Variants in KCNIP4 observed in about 807,000 individuals in gnomAD.
KCNIP4 encodes the protein potassium voltage-gated channel interacting protein 4, also known as Kv channel-interacting protein 4.
A neutral mutation model predicts 34.0 loss-of-function variants in KCNIP4; 12 were observed. That is an observed-to-expected ratio of 0.35 (90% CI 0.23 to 0.57). The LOEUF is 0.57. Ranked by LOEUF, KCNIP4 falls within the 20% of genes least tolerant of loss-of-function variation. KCNIP4 has a pLI of 0.83. For missense variants in KCNIP4, 238 were observed against 311.7 expected (o/e 0.76, Z 1.78); for synonymous variants, 124 against 102.2 (o/e 1.21, Z -1.29).
intron 1 of KCNIP4, among the ~76,000 whole-genome samples, chr4:21,124,102 T>G (rs933110852): frequency 6.6e-6 from 1 of 151,842 alleles, no homozygotes; most frequent in Admixed American, 6.6e-5. Context: ...AAGGACACTG[T>G]TTTACATTTT....
At position 21,446,308 on chromosome 4, in the gene KCNIP4, T is replaced by G. The variant is rs574173025; in HGVS notation, c.61+502263A>C. Among the ~76,000 whole-genome samples, 15 of 152,206 alleles carry G rather than the reference T, an allele frequency of 9.9e-5. No individual in the cohort carries two copies. In the East Asian group the frequency reaches 2.5e-3, roughly 26 times the overall value. On this transcript the variant is annotated intron_variant, in intron 1 of 8. Transcript: ENST00000382152. ...CAAAGGATTATAAATCATGCTGCTA[T>G]AAAGACTCTTGCACACATATGTTTA...
At chr4:21,861,064 T>C (rs980455747) in intron 1 of KCNIP4, among the ~76,000 whole-genome samples, 2 of 152,202 alleles carry the variant, frequency 1.3e-5, no homozygotes, top group Admixed American at 1.3e-4. Context: ...TACATAGATA[T>C]TAAAGATTGA....
At chr4:21,750,824 A>G (rs1377508543) in intron 1 of KCNIP4, among the ~76,000 whole-genome samples, 1 of 152,134 alleles carries the variant, frequency 6.6e-6, no homozygotes, top group Non-Finnish European at 1.5e-5. Flanking sequence ...TAATGTGAGC[A>G]TTCCATTTCT....
chr4:21,272,456 A>C (rs539116981), intron 1 of KCNIP4, among the ~76,000 whole-genome samples: 1 of 152,302 alleles, frequency 6.6e-6, no homozygotes, highest in South Asian at 2.1e-4. Context: ...AAACTATTAG[A>C]TAGAGTTATT....
chr4:20,841,226 C>A (rs1481936984), intron 3 of KCNIP4, among the ~76,000 whole-genome samples: 2 of 152,132 alleles, frequency 1.3e-5, no homozygotes, highest in African/African-American at 4.8e-5. Context: ...TTGGGCTGGC[C>A]TCCAATCTTT....
At chr4:21,883,338 C>T (rs769768966) in intron 1 of KCNIP4, among the ~76,000 whole-genome samples, 33 of 151,884 alleles carry the variant, frequency 2.2e-4, no homozygotes, top group African/African-American at 6.8e-4. Flanking sequence ...TTTTTAGAAA[C>T]GAGCGCTTAC....
At chr4:21,246,190 G>A (rs1760190920) in intron 1 of KCNIP4, among the ~76,000 whole-genome samples, 1 of 150,572 alleles carries the variant, frequency 6.6e-6, no homozygotes, top group African/African-American at 2.4e-5. Context: ...GGCCAACAGA[G>A]CACCAGCCCA....
intron 1 of KCNIP4, among the ~76,000 whole-genome samples, chr4:21,585,617 G>A (rs761973225): frequency 6.0e-4 from 92 of 152,076 alleles, no homozygotes; most frequent in Admixed American, 1.3e-3. Context: ...TGAAAAATAT[G>A]CCTGAAAACT....
chr4:20,747,539 CT>C (rs1304513825), intron 5 of KCNIP4, among the ~76,000 whole-genome samples: 4 of 152,298 alleles, frequency 2.6e-5, no homozygotes, highest in African/African-American at 9.6e-5. Flanking sequence ...CCAGGATAGT[CT>C]TCCCCCAACC....
chr4:21,260,068 T>C (rs374770627), intron 1 of KCNIP4, among the ~76,000 whole-genome samples: 5 of 152,168 alleles, frequency 3.3e-5, no homozygotes, highest in Admixed American at 3.3e-4. Flanking sequence ...CAGGTGATCA[T>C]CTGTAATTTA....
chr4:20,989,223 G>A (rs1009929977), intron 1 of KCNIP4, among the ~76,000 whole-genome samples: 2 of 152,078 alleles, frequency 1.3e-5, no homozygotes, highest in African/African-American at 4.8e-5. Flanking sequence ...AATTTACAGG[G>A]TCCAACTACT....
chr4:20,832,763 G>A (rs532533161), intron 3 of KCNIP4, among the ~76,000 whole-genome samples: 19 of 150,838 alleles, frequency 1.3e-4, no homozygotes, highest in African/African-American at 4.4e-4. Context: ...TGAAGGATTT[G>A]GTAGGTGATG....
At chr4:20,813,620 T>C (rs545090541) in intron 3 of KCNIP4, among the ~76,000 whole-genome samples, 2 of 152,276 alleles carry the variant, frequency 1.3e-5, no homozygotes, top group Non-Finnish European at 2.9e-5. Context: ...AATAATTAGA[T>C]CCTGAACTTC....
chr4:21,345,930 T>C (rs1717265366), intron 1 of KCNIP4, among the ~76,000 whole-genome samples: 1 of 150,190 alleles, frequency 6.7e-6, no homozygotes, highest in Non-Finnish European at 1.5e-5. Context: ...GCAGGTGGCA[T>C]GGTATGATTT....
chr4:21,373,393 T>G (rs2109447716), intron 1 of KCNIP4, among the ~76,000 whole-genome samples: 1 of 147,426 alleles, frequency 6.8e-6, no homozygotes, highest in South Asian at 2.1e-4. Flanking sequence ...AGTAGAGAGA[T>G]AGAGTAGACA....
At chr4:21,276,067 G>C (rs777575103) in intron 1 of KCNIP4, among the ~76,000 whole-genome samples, 2 of 152,202 alleles carry the variant, frequency 1.3e-5, no homozygotes, top group African/African-American at 2.4e-5. Context: ...CAGCAGGTTG[G>C]ACAAACTTGA....
In KCNIP4 at chr4:21,746,804, A is replaced by G. The variant is rs148503581; in HGVS notation, c.61+201767T>C. Among the ~76,000 whole-genome samples the G allele has an allele frequency of 1.6e-4, 25 of 152,290 alleles. No homozygotes were observed. In the East Asian group the frequency reaches 4.4e-3, roughly 27 times the overall value. ...GTAATAACTATCAAAAACATAAAAT[A>G]GTTACAATTTTGTTTTATAAAATGC... On this transcript the variant is annotated intron_variant, in intron 1 of 8. Transcript: ENST00000382152.
intron 1 of KCNIP4, among the ~76,000 whole-genome samples, chr4:21,323,155 T>G (rs1235989731): frequency 1.2e-5 from 1 of 80,210 alleles, no homozygotes; most frequent in Admixed American, 1.4e-4. Context: ...TATATATATA[T>G]ATATATATGT....
At chr4:21,437,423 C>A (rs1727040055) in intron 1 of KCNIP4, among the ~76,000 whole-genome samples, 1 of 152,110 alleles carries the variant, frequency 6.6e-6, no homozygotes, top group Admixed American at 6.6e-5. Flanking sequence ...TTTCAAAAAG[C>A]AAGACTAATG....
Sources: allele counts gnomAD v4.1 joint callset (sites outside exome capture counted in the v4.1 genomes callset), GRCh38; gene constraint gnomAD v4.1.1; transcripts MANE v1.5; gene names NCBI Gene and HGNC (gene_info 2026-07-23, HGNC 2026-07-21).